CEP170: variants seen among roughly 807,000 people sequenced by gnomAD.
The protein encoded by CEP170 is centrosomal protein 170.
In CEP170, 21 loss-of-function variants were observed where a neutral mutation model predicts 151.9. The observed-to-expected ratio is 0.14, with a 90% confidence interval of 0.10 to 0.20. The LOEUF is 0.20. Among genes scored for constraint, CEP170 ranks in the 10% least tolerant of loss-of-function variants. CEP170 has a pLI of 1.00. For missense variants in CEP170, 964 were observed against 1,892.9 expected, an observed-to-expected ratio of 0.51 and a Z score of 9.11; for synonymous variants, 356 against 648.8, an observed-to-expected ratio of 0.55 and a Z score of 6.86.
intron 1 of CEP170, among the ~76,000 whole-genome samples, chr1:243,252,403 C>T (rs2066020300): frequency 6.6e-6 from 1 of 151,760 alleles, no homozygotes; most frequent in African/African-American, 2.4e-5. Context: ...AACATTTTGA[C>T]AAAAAAGCTT....
chr1:243,246,263 G>A (rs1164697174), intron 1 of CEP170, among the ~76,000 whole-genome samples: 3 of 127,118 alleles, frequency 2.4e-5, no homozygotes, highest in African/African-American at 3.2e-5. Context: ...ACAGAGTCTC[G>A]CTCTGCCACC....
intron 3 of CEP170, among the ~76,000 whole-genome samples, chr1:243,216,337 T>C (rs1402575114): frequency 6.6e-6 from 1 of 152,088 alleles, no homozygotes; most frequent in Non-Finnish European, 1.5e-5. Context: ...TATCTCCTAA[T>C]GCTATCCCTG....
At chr1:243,250,356 G>C (rs1453271917) in intron 1 of CEP170, among the ~76,000 whole-genome samples, 2 of 152,196 alleles carry the variant, frequency 1.3e-5, no homozygotes, top group Non-Finnish European at 2.9e-5. Flanking sequence ...AAGATCTCAA[G>C]TTTTAACTAT....
At position 243,235,488 on chromosome 1, in the gene CEP170, T is replaced by C. The variant is rs1051108577; in HGVS notation, c.-41-10167A>G. 6.6e-5 allele frequency among the ~76,000 whole-genome samples: 10 copies of C among 152,208 alleles called. No individual in the cohort carries two copies. The East Asian group carries it at 7.7e-4, about 12-fold the overall frequency. ...ACTTACCAAGATACTTGTTTCATGC[T>C]CATGTGAACAAACTCATTACTGGGA... On this transcript the variant is annotated intron_variant, in intron 1 of 19. Coordinates refer to ENST00000366542, the MANE Select transcript of CEP170 (RefSeq NM_014812.3).
intron 6 of CEP170, among the ~76,000 whole-genome samples, chr1:243,199,919 A>T (rs1202991648): frequency 6.6e-6 from 1 of 151,928 alleles, no homozygotes; most frequent in Non-Finnish European, 1.5e-5. Flanking sequence ...AATGCAGACA[A>T]ACATGAAATA....
At chr1:243,237,203 C>T (rs1393142956) in intron 1 of CEP170, among the ~76,000 whole-genome samples, 2 of 152,040 alleles carry the variant, frequency 1.3e-5, no homozygotes, top group African/African-American at 2.4e-5. Flanking sequence ...TTCTTTTTAT[C>T]TTCATGTTAA....
chr1:243,211,660 A>G, intron 4 of CEP170: 1 of 466,132 alleles, frequency 2.1e-6, no homozygotes, highest in Non-Finnish European at 3.9e-6. Context: ...ACATAAATAG[A>G]GAGAGAGAGG....
intron 4 of CEP170, chr1:243,211,581 C>T (rs1456456236): frequency 4.0e-6 from 1 of 247,032 alleles, no homozygotes; most frequent in Non-Finnish European, 7.9e-6. Context: ...CCTGTCCTCT[C>T]CCCAGTTACA....
chr1:243,152,314 T>C (rs1361977322), intron 14 of CEP170, among the ~76,000 whole-genome samples: 2 of 143,828 alleles, frequency 1.4e-5, no homozygotes, highest in Non-Finnish European at 3.0e-5. Flanking sequence ...CTCCGCCTCC[T>C]GGGTTCACGC....
At position 243,186,349 on chromosome 1, in the gene CEP170, T is replaced by C. The variant is rs757382495; in HGVS notation, c.1182A>G (p.Ala394=). ...AGAHRRCSKR[A]TLEEHLRRHH... is the part of the protein sequence containing the mutation. ...GGCGTCTTAAGTGTTCCTCAAGAGTTGCACGTTTGCTACAGCGCCTGTGAG... is the reference window on the plus strand; with the variant it reads ...GGCGTCTTAAGTGTTCCTCAAGAGTCGCACGTTTGCTACAGCGCCTGTGAG... Residue 394 remains alanine (A), a synonymous_variant, in exon 9 of 20, where the codon GCA becomes GCG. Coordinates refer to ENST00000366542, the MANE Select transcript of CEP170 (RefSeq NM_014812.3). 3 of 1,613,780 alleles carry C rather than the reference T, an allele frequency of 1.9e-6. No homozygotes were observed. The highest frequency in any genetic ancestry group is 4.5e-5 in the East Asian group (2 of 44,882).
chr1:243,222,447 C>G (rs2062901890), intron 2 of CEP170, among the ~76,000 whole-genome samples: 1 of 152,174 alleles, frequency 6.6e-6, no homozygotes, highest in Non-Finnish European at 1.5e-5. Flanking sequence ...CTCTGTCTCT[C>G]TCCAGAGCTT....
chr1:243,137,524 C>T (rs1306868634), intron 16 of CEP170, among the ~76,000 whole-genome samples: 1 of 152,118 alleles, frequency 6.6e-6, no homozygotes, highest in Non-Finnish European at 1.5e-5. Flanking sequence ...CGCCTGTAAT[C>T]CCAGCACTTT....
At chr1:243,232,555 T>C (rs780396171) in intron 1 of CEP170, among the ~76,000 whole-genome samples, 2 of 152,214 alleles carry the variant, frequency 1.3e-5, no homozygotes, top group Non-Finnish European at 2.9e-5. Flanking sequence ...TGTAACGATA[T>C]GATTACACCT....
chr1:243,179,920 C>T (rs540814166), intron 10 of CEP170, among the ~76,000 whole-genome samples: 18 of 152,212 alleles, frequency 1.2e-4, no homozygotes, highest in Admixed American at 6.5e-4. Flanking sequence ...AAGTGAATGA[C>T]GCAACTACTT....
chr1:243,194,741 A>T (rs901945401), intron 7 of CEP170, among the ~76,000 whole-genome samples: 1 of 151,902 alleles, frequency 6.6e-6, no homozygotes, highest in Non-Finnish European at 1.5e-5. Context: ...TAGAAATTTA[A>T]CATTCATCTA....
At chr1:243,221,032 T>G (rs1453427156) in intron 3 of CEP170, among the ~76,000 whole-genome samples, 2 of 152,284 alleles carry the variant, frequency 1.3e-5, no homozygotes, top group East Asian at 3.9e-4. Context: ...TTTCTTTTCT[T>G]TTTTTTGAGA....
At chr1:243,186,224 T>C in intron 9 of CEP170, 35 bp downstream of exon 9, 10 of 1,613,730 alleles carry the variant, frequency 6.2e-6, no homozygotes, top group Non-Finnish European at 7.6e-6. Flanking sequence ...ATTGTCTTCA[T>C]CAAAGAATGC....
intron 10 of CEP170, among the ~76,000 whole-genome samples, chr1:243,173,735 CAA>C (rs199827738): frequency 6.7e-4 from 49 of 72,608 alleles, no homozygotes; most frequent in Non-Finnish European, 5.3e-4. Flanking sequence ...GACCCTGTTT[CAA>C]AAAAAAAAAA....
intron 14 of CEP170, among the ~76,000 whole-genome samples, chr1:243,153,273 G>T (rs1275852090): frequency 2.6e-5 from 4 of 152,190 alleles, no homozygotes; most frequent in Non-Finnish European, 5.9e-5. Context: ...TGGTGAAGCT[G>T]TTGTGAGCAC....
Sources: allele counts gnomAD v4.1 joint callset (sites outside exome capture counted in the v4.1 genomes callset), GRCh38; gene constraint gnomAD v4.1.1; transcripts MANE v1.5; gene names NCBI Gene and HGNC (gene_info 2026-07-23, HGNC 2026-07-21).